NBAS: variants seen among roughly 807,000 people sequenced by gnomAD.
NBAS encodes NBAS subunit of NRZ tethering complex, also known as NAG/BC035112 fusion.
A neutral mutation model predicts 302.5 loss-of-function variants in NBAS; 219 were observed. That is an observed-to-expected ratio of 0.72 (90% CI 0.65 to 0.81). The LOEUF (loss-of-function observed/expected upper bound fraction) is 0.81, where lower values mean the gene tolerates loss of function less well. Among genes scored for constraint, NBAS ranks in the 30% least tolerant of loss-of-function variants. The pLI is 0.00. For synonymous variants in NBAS, 1,118 were observed against 1,021.6 expected (o/e 1.09, Z -1.80); for missense variants, 2,932 against 2,841.6 (o/e 1.03, Z -0.72).
At chr2:15,439,383 CACTAACAAAGCTAAAAGGTAA>C (rs1678219080) in intron 21 of NBAS, among the ~76,000 whole-genome samples, 1 of 151,712 alleles carries the variant, frequency 6.6e-6, no homozygotes, top group Non-Finnish European at 1.5e-5. Flanking sequence ...GCCCTGTTCC[CACTAACAAAGCTAAAAGGTAA>C]ACCTCAAGAT....
the NBAS span, among the ~76,000 whole-genome samples, chr2:15,161,638 G>A: frequency 6.6e-6 from 1 of 152,296 alleles, no homozygotes; most frequent in African/African-American, 2.4e-5. Flanking sequence ...CCTGAGCCTG[G>A]GTTGTTTCAC....
At chr2:15,308,109 CTGGATACA>C in intron 40 of NBAS, 99 bp downstream of exon 40, 1 of 1,531,086 alleles carries the variant, frequency 6.5e-7, no homozygotes, top group Non-Finnish European at 9.0e-7. Context: ...GGAATACATT[CTGGATACA>C]TATGTAATCA....
the NBAS span, among the ~76,000 whole-genome samples, chr2:14,927,402 C>T: frequency 6.6e-6 from 1 of 152,154 alleles, no homozygotes; most frequent in East Asian, 1.9e-4. Flanking sequence ...TCAACATTTC[C>T]TTTCTTTTTA....
the NBAS span, among the ~76,000 whole-genome samples, chr2:14,788,517 G>C: frequency 6.6e-6 from 1 of 152,128 alleles, no homozygotes; most frequent in African/African-American, 2.4e-5. Flanking sequence ...TGTCCTTTCT[G>C]TTTGTTAGTT....
At chr2:14,900,920 G>A in the NBAS span, among the ~76,000 whole-genome samples, 3 of 152,208 alleles carry the variant, frequency 2.0e-5, no homozygotes, top group African/African-American at 2.4e-5. Context: ...GCAAAGGCTT[G>A]AACCTGAATA....
the NBAS span, among the ~76,000 whole-genome samples, chr2:14,998,984 C>A: frequency 6.6e-6 from 1 of 152,296 alleles, no homozygotes; most frequent in South Asian, 2.1e-4. Context: ...AATGCTCAGG[C>A]ACTGAGTGAG....
At chr2:15,441,344 C>T (rs200816979) in intron 21 of NBAS, among the ~76,000 whole-genome samples, 1 of 151,982 alleles carries the variant, frequency 6.6e-6, no homozygotes, top group Admixed American at 6.5e-5. Flanking sequence ...AGAGTGGGGG[C>T]CAATATTCAA....
chr2:15,316,814 G>C (rs1291512547), intron 38 of NBAS, among the ~76,000 whole-genome samples: 1 of 152,214 alleles, frequency 6.6e-6, no homozygotes, highest in African/African-American at 2.4e-5. Flanking sequence ...TGAACAAAAG[G>C]CAGCAGACAA....
intron 30 of NBAS, among the ~76,000 whole-genome samples, chr2:15,377,868 C>G (rs955413596): frequency 6.6e-6 from 1 of 152,132 alleles, no homozygotes; most frequent in Non-Finnish European, 1.5e-5. Flanking sequence ...GTATAACATG[C>G]AAAATAGTGG....
chr2:14,871,212 G>C, the NBAS span, among the ~76,000 whole-genome samples: 1 of 150,668 alleles, frequency 6.6e-6, no homozygotes, highest in African/African-American at 2.4e-5. Context: ...AAATAGAGGA[G>C]AAAGATGAGG....
intron 9 of NBAS, among the ~76,000 whole-genome samples, chr2:15,528,406 A>G (rs1217632515): frequency 1.4e-5 from 2 of 147,698 alleles, no homozygotes; most frequent in African/African-American, 2.5e-5. Context: ...ATGAATGTTT[A>G]TATTATTTAT....
chr2:15,328,521 T>C (rs368378320), intron 36 of NBAS, among the ~76,000 whole-genome samples: 22 of 152,250 alleles, frequency 1.4e-4, no homozygotes, highest in African/African-American at 4.3e-4. Context: ...CATAACTACA[T>C]GCTAAGAGCA....
chr2:15,504,999 C>T (rs1661772643), intron 10 of NBAS, among the ~76,000 whole-genome samples: 1 of 152,116 alleles, frequency 6.6e-6, no homozygotes, highest in Non-Finnish European at 1.5e-5. Flanking sequence ...CAAATACTTT[C>T]TCCAAAAAAA....
At chr2:14,859,980 A>G in the NBAS span, among the ~76,000 whole-genome samples, 8 of 152,070 alleles carry the variant, frequency 5.3e-5, 1 homozygote, top group Admixed American at 5.2e-4. Context: ...CACATAACTC[A>G]ATAGCAAAGA....
chr2:15,343,087 C>A (rs1048067588), intron 35 of NBAS, among the ~76,000 whole-genome samples: 13 of 151,998 alleles, frequency 8.6e-5, no homozygotes, highest in Admixed American at 2.0e-4. Flanking sequence ...AACCATGAAT[C>A]AAAAGCATAC....
intron 36 of NBAS, 87 bp downstream of exon 36, chr2:15,330,511 G>T: frequency 2.0e-6 from 3 of 1,531,184 alleles, no homozygotes; most frequent in South Asian, 1.2e-5. Context: ...AGAAGATAAA[G>T]ATATAACAGT....
intron 28 of NBAS, among the ~76,000 whole-genome samples, chr2:15,391,109 C>CA (rs1204757742): frequency 0.018 from 2,462 of 133,328 alleles, 73 homozygotes; most frequent in African/African-American, 0.063. Context: ...GATTCCATCT[C>CA]AAAAAAAAAA....
the NBAS span, among the ~76,000 whole-genome samples, chr2:15,016,216 C>T: frequency 1.3e-5 from 2 of 152,196 alleles, no homozygotes; most frequent in South Asian, 4.1e-4. Flanking sequence ...AGGCAAGAGA[C>T]AATGACAGCC....
At chr2:15,061,046 C>G in the NBAS span, among the ~76,000 whole-genome samples, 2 of 152,224 alleles carry the variant, frequency 1.3e-5, no homozygotes, top group Admixed American at 6.5e-5. Context: ...CAAAGAGAAG[C>G]CTTAAGTACT....
Sources: allele counts gnomAD v4.1 joint callset (sites outside exome capture counted in the v4.1 genomes callset), GRCh38; gene constraint gnomAD v4.1.1; transcripts MANE v1.5; gene names NCBI Gene and HGNC (gene_info 2026-07-23, HGNC 2026-07-21).